Variants in DIAPH1 observed in about 807,000 individuals in gnomAD.
DIAPH1 encodes the protein protein diaphanous homolog 1.
In DIAPH1, 46 loss-of-function variants were observed where a neutral mutation model predicts 140.7. The observed-to-expected ratio is 0.33, with a 90% CI of 0.26 to 0.42. The LOEUF is 0.42. DIAPH1 is among the 10% of genes least tolerant of loss of function. DIAPH1 has a pLI of 1.00. For missense variants in DIAPH1, 1,310 were observed against 1,558.7 expected, an observed-to-expected ratio of 0.84 and a Z score of 2.69; for synonymous variants, 565 against 551.6, an observed-to-expected ratio of 1.02 and a Z score of -0.34.
intron 18 of DIAPH1, among the ~76,000 whole-genome samples, chr5:141,542,039 C>T (rs542220735): frequency 6.6e-6 from 1 of 152,312 alleles, no homozygotes; most frequent in East Asian, 1.9e-4. Flanking sequence ...AAATCCACTC[C>T]TAAGGCATAT....
intron 18 of DIAPH1, among the ~76,000 whole-genome samples, chr5:141,543,054 G>C (rs1370887832): frequency 1.3e-5 from 2 of 149,874 alleles, no homozygotes; most frequent in African/African-American, 4.9e-5. Flanking sequence ...CATGCTGTTG[G>C]TACTTCATCT....
chr5:141,587,414 G>C (rs1027125418), intron 2 of DIAPH1: 3 of 588,102 alleles, frequency 5.1e-6, no homozygotes, highest in Admixed American at 5.9e-5. Flanking sequence ...AAGATAAGAG[G>C]ACCAAAGTAT....
intron 18 of DIAPH1, among the ~76,000 whole-genome samples, chr5:141,569,358 T>C (rs1041985083): frequency 1.2e-4 from 19 of 152,224 alleles, no homozygotes; most frequent in African/African-American, 3.9e-4. Context: ...CATTTAATTA[T>C]ATCATCAATA....
At chr5:141,585,324 A>G (rs1021317102) in intron 3 of DIAPH1, among the ~76,000 whole-genome samples, 4 of 152,140 alleles carry the variant, frequency 2.6e-5, no homozygotes, top group Admixed American at 6.5e-5. Flanking sequence ...AAGCTAAGTC[A>G]AACCCAAAGA....
At chr5:141,588,181 G>A in intron 2 of DIAPH1, 43 bp downstream of exon 2, 1 of 1,529,908 alleles carries the variant, frequency 6.5e-7, no homozygotes, top group Non-Finnish European at 9.1e-7. Flanking sequence ...GATAGTGTAG[G>A]CAATGAGCTA....
chr5:141,577,644 C>T, intron 11 of DIAPH1, 53 bp from the exon 12 acceptor site: 2 of 1,180,478 alleles, frequency 1.7e-6, no homozygotes, highest in Non-Finnish European at 2.5e-6. Flanking sequence ...TTATGTTTGA[C>T]AGGTGGCTTA....
chr5:141,545,282 T>G (rs2099890614), intron 18 of DIAPH1, among the ~76,000 whole-genome samples: 1 of 152,190 alleles, frequency 6.6e-6, no homozygotes, highest in Non-Finnish European at 1.5e-5. Context: ...ATATATAAAT[T>G]ATATCTCAGC....
At position 141,587,091 on chromosome 5, in the gene DIAPH1, A is replaced by G. The variant is rs200792727; in HGVS notation, c.251T>C (p.Leu84Ser). Residue 84 changes from leucine (L) to serine (S), a missense_variant, in exon 3 of 28, where the codon TTG becomes TCG. By Grantham distance (145) the Leu-to-Ser change is moderately radical. This residue lies in a region of DIAPH1 where 377 missense variants were observed against 497.1 expected (regional missense o/e 0.76). Transcript: ENST00000389054. ...SYGDDPTAQS[L>S]QDVSDEQVLV... ...CACTTGTTCATCTGAAACATCTTGC[A>G]ATGACTGTGCTGTGGGATCATCCCC... The G allele has an allele frequency of 6.2e-7, 1 of 1,614,162 alleles. No individual in the cohort carries two copies. Among genetic ancestry groups the G allele is most frequent in the Admixed American group, 1.7e-5 (1 of 60,028 alleles).
chr5:141,585,615 C>T (rs2099897424), intron 3 of DIAPH1, among the ~76,000 whole-genome samples: 2 of 151,918 alleles, frequency 1.3e-5, no homozygotes, highest in African/African-American at 4.8e-5. Flanking sequence ...GCCTGGCCAA[C>T]ATGATGAAAC....
chr5:141,575,706 A>G (rs986529613), intron 14 of DIAPH1, among the ~76,000 whole-genome samples: 1 of 152,142 alleles, frequency 6.6e-6, no homozygotes, highest in Admixed American at 6.5e-5. Flanking sequence ...GGAGAGGGGA[A>G]TCAGTTCATT....
chr5:141,617,373 T>C (rs1399626664), intron 1 of DIAPH1, among the ~76,000 whole-genome samples: 1 of 152,140 alleles, frequency 6.6e-6, no homozygotes, highest in Non-Finnish European at 1.5e-5. Context: ...GAAAGGGCAG[T>C]CCAGGAGCAC....
Position 141,583,751 on chromosome 5 carries a change from G to A in DIAPH1, c.403-136C>T. 2.4e-6 allele frequency: 3 copies of A among 1,261,596 alleles called. No homozygotes were observed. In the South Asian group the frequency reaches 3.8e-5, roughly 16 times the overall value. 78.2% of individuals were successfully genotyped at this position (1,261,596 alleles called of 1,614,324 possible). A position where few individuals can be genotyped will look rare whatever the true frequency, so the allele number is the denominator to read the frequency against. On this transcript the variant is annotated intron_variant, in intron 4 of 27. Transcript: ENST00000389054. ...AGACAAGGTCTTACTACGTTGCCCA[G>A]GCTGATTTCAAACTCCTGGGCTCAA...
intron 2 of DIAPH1, 90 bp downstream of exon 2, chr5:141,588,134 G>A: frequency 9.3e-7 from 1 of 1,080,040 alleles, no homozygotes; most frequent in South Asian, 1.3e-5. Flanking sequence ...ACCACTATAA[G>A]TTACAGAAAG....
chr5:141,618,525 G>C (rs539526053), intron 1 of DIAPH1: 88 of 353,982 alleles, frequency 2.5e-4, no homozygotes, highest in African/African-American at 1.6e-3. Context: ...GCTGAGAGCC[G>C]GCCGGGGATA....
At chr5:141,531,086 C>T (rs984232717) in intron 19 of DIAPH1, among the ~76,000 whole-genome samples, 3 of 152,150 alleles carry the variant, frequency 2.0e-5, no homozygotes, top group Admixed American at 2.0e-4. Context: ...TCCATAACCA[C>T]AAAGCCAATG....
At chr5:141,618,593 G>C in intron 1 of DIAPH1, 1 of 471,016 alleles carries the variant, frequency 2.1e-6, no homozygotes, top group Non-Finnish European at 3.9e-6. Flanking sequence ...CGAGGTGGCC[G>C]GGGCAAGAGC....
intron 25 of DIAPH1, 44 bp downstream of exon 25, chr5:141,526,253 G>C (rs1162392912): frequency 1.9e-6 from 3 of 1,614,160 alleles, no homozygotes; most frequent in African/African-American, 1.3e-5. Context: ...GGGAAAGTGA[G>C]AAATGCCCAC....
chr5:141,618,668 A>C (rs2099903097), intron 1 of DIAPH1, 130 bp downstream of exon 1: 2 of 619,960 alleles, frequency 3.2e-6, no homozygotes, highest in South Asian at 3.8e-5. Context: ...AGAGCTGCGG[A>C]CCGAGCGAAA....
At chr5:141,604,189 C>G (rs534835570) in intron 1 of DIAPH1, among the ~76,000 whole-genome samples, 1 of 152,342 alleles carries the variant, frequency 6.6e-6, no homozygotes, top group South Asian at 2.1e-4. Flanking sequence ...TGAAAGCCAG[C>G]ATGCATAGTC....
Sources: allele counts gnomAD v4.1 joint callset (sites outside exome capture counted in the v4.1 genomes callset), GRCh38; gene constraint gnomAD v4.1.1; regional missense constraint gnomAD v4.1.1; transcripts MANE v1.5; gene names NCBI Gene and HGNC (gene_info 2026-07-23, HGNC 2026-07-21).